Variants in MAP4 observed in about 807,000 individuals in gnomAD.
MAP4 encodes the protein microtubule-associated protein 4.
In MAP4, 76 loss-of-function variants were observed where a neutral mutation model predicts 170.2. The observed-to-expected ratio is 0.45, with a 90% confidence interval of 0.37 to 0.54. The LOEUF is 0.54. Ranked by LOEUF, MAP4 falls within the 20% of genes least tolerant of loss-of-function variation. MAP4 has a pLI of 0.00. For missense variants in MAP4, 2,506 were observed against 2,748.0 expected (o/e 0.91, Z 1.97); for synonymous variants, 909 against 994.5 (o/e 0.91, Z 1.62).
chr3:48,017,090 C>T (rs1443759587), upstream of MAP4, among the ~76,000 whole-genome samples: 2 of 151,872 alleles, frequency 1.3e-5, no homozygotes, highest in Admixed American at 6.6e-5. Flanking sequence ...TAAAGGCTTA[C>T]ACCAGTTGAA....
At chr3:47,892,163 A>G in intron 10 of MAP4, 6 of 1,536,246 alleles carry the variant, frequency 3.9e-6, no homozygotes, top group Non-Finnish European at 4.4e-6. Flanking sequence ...GGTCTCTGAA[A>G]TCACATACCT....
At chr3:48,010,905 T>C (rs1035356941) in intron 1 of MAP4, among the ~76,000 whole-genome samples, 2 of 152,182 alleles carry the variant, frequency 1.3e-5, no homozygotes, top group African/African-American at 4.8e-5. Context: ...GGGACTCGGA[T>C]TGGCTCTCCT....
chr3:47,985,313 C>T (rs2100087987), intron 2 of MAP4, among the ~76,000 whole-genome samples: 1 of 152,072 alleles, frequency 6.6e-6, no homozygotes, highest in Non-Finnish European at 1.5e-5. Context: ...TGGTGCATGC[C>T]TGCAGTCCCA....
At chr3:47,853,129 C>T in intron 20 of MAP4, 34 bp downstream of exon 20, 1 of 1,612,090 alleles carries the variant, frequency 6.2e-7, no homozygotes, top group Non-Finnish European at 8.5e-7. Context: ...GGCAGGGCCC[C>T]TGGCTGGCCC....
intron 1 of MAP4, among the ~76,000 whole-genome samples, chr3:48,010,427 T>C (rs1183706320): frequency 6.6e-6 from 1 of 152,254 alleles, no homozygotes; most frequent in Non-Finnish European, 1.5e-5. Flanking sequence ...ATAAGATTTA[T>C]TGATTTCATA....
At position 47,910,654 on chromosome 3, in the gene MAP4, T is replaced by C; in HGVS notation, c.3767A>G (p.Lys1256Arg). The C allele has an allele frequency of 6.5e-7, 1 of 1,536,144 alleles. No homozygotes were observed. Among genetic ancestry groups the C allele is most frequent in the Non-Finnish European group, 8.7e-7 (1 of 1,146,908 alleles). ...GAAAGTAAATCCTATTTCCTTGCTT[T>C]TATGGGGAATACTACCAGTATCTCC... ...KDGDTGSIPH[K>R]SKEIGFTFPK... Residue 1256 changes from lysine (K) to arginine (R), a missense_variant, in exon 9 of 21, where the codon AAA becomes AGA. Transcript: ENST00000683076.
intron 10 of MAP4, among the ~76,000 whole-genome samples, chr3:47,881,933 T>G (rs753584040): frequency 1.1e-4 from 16 of 152,140 alleles, no homozygotes; most frequent in Non-Finnish European, 2.4e-4. Flanking sequence ...TAATATACTC[T>G]TCCAATCTTT....
At chr3:48,077,546 C>T (rs556246288) in intron 1 of MAP4, among the ~76,000 whole-genome samples, 4 of 151,626 alleles carry the variant, frequency 2.6e-5, no homozygotes, top group African/African-American at 9.7e-5. Context: ...TATTGCCTGC[C>T]CCAGGCTGGT....
intron 9 of MAP4, 26 bp downstream of exon 9, chr3:47,909,012 C>T (rs771086521): frequency 1.3e-5 from 21 of 1,592,454 alleles, no homozygotes; most frequent in Non-Finnish European, 1.5e-5. Flanking sequence ...CACAAGCACA[C>T]ACATTTCCCC....
intron 1 of MAP4, among the ~76,000 whole-genome samples, chr3:48,085,930 T>C (rs1429902666): frequency 6.6e-6 from 1 of 152,082 alleles, no homozygotes; most frequent in Non-Finnish European, 1.5e-5. Context: ...CACGTGCCTG[T>C]AGTTCCAGCC....
intron 1 of MAP4, among the ~76,000 whole-genome samples, chr3:48,005,418 G>C (rs752044212): frequency 8.5e-5 from 13 of 152,120 alleles, no homozygotes; most frequent in Non-Finnish European, 1.9e-4. Flanking sequence ...GAACAGGCAT[G>C]GGAATGGGTA....
At chr3:47,870,082 G>C (rs544088403) in intron 15 of MAP4, among the ~76,000 whole-genome samples, 79 of 152,266 alleles carry the variant, frequency 5.2e-4, no homozygotes, top group African/African-American at 1.8e-3. Flanking sequence ...TGGTGGTGTA[G>C]AGCTAGTGAA....
At chr3:48,038,061 A>G (rs987316487) in intron 1 of MAP4, among the ~76,000 whole-genome samples, 4 of 151,718 alleles carry the variant, frequency 2.6e-5, no homozygotes, top group African/African-American at 9.7e-5. Context: ...CCAGCTACTC[A>G]GGAGGCTGAG....
upstream of MAP4, among the ~76,000 whole-genome samples, chr3:48,020,930 C>G (rs896545511): frequency 2.6e-5 from 4 of 152,122 alleles, no homozygotes; most frequent in Non-Finnish European, 5.9e-5. Flanking sequence ...TCCCAGGTAG[C>G]TGAGACTAGA....
intron 3 of MAP4, among the ~76,000 whole-genome samples, chr3:47,946,835 G>A (rs1196518236): frequency 6.6e-6 from 1 of 152,008 alleles, no homozygotes; most frequent in Non-Finnish European, 1.5e-5. Context: ...AACAGGTTAA[G>A]CAGGTTATAT....
chr3:47,896,566 C>CAT (rs900147289), intron 10 of MAP4, among the ~76,000 whole-genome samples: 11 of 151,578 alleles, frequency 7.3e-5, no homozygotes, highest in East Asian at 1.9e-4. Flanking sequence ...AGAAACTGTA[C>CAT]ATATATATAT....
intron 3 of MAP4, among the ~76,000 whole-genome samples, chr3:47,966,818 C>A (rs1409478270): frequency 6.6e-6 from 1 of 152,166 alleles, no homozygotes; most frequent in Non-Finnish European, 1.5e-5. Flanking sequence ...CTGGGCTTTC[C>A]ATTCCGTTCC....
chr3:47,878,438 A>G (rs963673660), intron 10 of MAP4, among the ~76,000 whole-genome samples: 2 of 152,228 alleles, frequency 1.3e-5, no homozygotes, highest in Non-Finnish European at 2.9e-5. Context: ...GGAAAATGCA[A>G]AACAATATGA....
At chr3:47,866,900 C>T (rs993724085) in intron 17 of MAP4, among the ~76,000 whole-genome samples, 2 of 152,128 alleles carry the variant, frequency 1.3e-5, no homozygotes, top group African/African-American at 2.4e-5. Context: ...GCATGCAGAC[C>T]GACATACACA....
Sources: gnomAD v4.1 joint callset for allele counts (sites outside exome capture counted in the v4.1 genomes callset) on GRCh38, gnomAD v4.1.1 for gene constraint, MANE v1.5 for transcripts, NCBI Gene and HGNC (gene_info 2026-07-23, HGNC 2026-07-21) for gene names.